Variants in MYO1D observed in about 807,000 individuals in gnomAD.
The protein encoded by MYO1D is unconventional myosin-Id.
MYO1D carries 83 observed loss-of-function variants against 122.0 expected under a neutral mutation model. The ratio of observed to expected loss-of-function variants is 0.68; its 90% CI spans 0.57 to 0.82. MYO1D has a LOEUF of 0.82. MYO1D is among the 40% of genes least tolerant of loss of function. The pLI, the probability that MYO1D is intolerant of heterozygous loss-of-function variation, is 0.00. For missense variants in MYO1D, 1,157 were observed against 1,269.5 expected (o/e 0.91, Z 1.35); for synonymous variants, 464 against 446.9 (o/e 1.04, Z -0.48).
At chr17:32,777,137 C>T (rs370412900) in intron 3 of MYO1D, among the ~76,000 whole-genome samples, 1 of 152,116 alleles carries the variant, frequency 6.6e-6, no homozygotes, top group East Asian at 1.9e-4. Context: ...AGTTGCTCTC[C>T]TGAGCTCCTA....
At chr17:32,820,835 TTAAG>T (rs1399707561) in intron 1 of MYO1D, among the ~76,000 whole-genome samples, 3 of 152,236 alleles carry the variant, frequency 2.0e-5, no homozygotes, top group East Asian at 1.9e-4. Context: ...ATTGTATACT[TTAAG>T]TATATATATT....
chr17:32,629,733 G>GA (rs35731553), intron 20 of MYO1D, among the ~76,000 whole-genome samples: 67,512 of 127,418 alleles, frequency 0.53, 16,365 homozygotes, highest in African/African-American at 0.61. Context: ...TTCATCTCAA[G>GA]AAAAAAAAAA....
rs138563144 is a variant in MYO1D at position 32,654,487 on chromosome 17, T to A, written c.2480A>T (p.Tyr827Phe). 6.2e-7 allele frequency: 1 copy of A among 1,612,430 alleles called. No individual in the cohort carries two copies. The highest frequency in any genetic ancestry group is 8.5e-7 in the Non-Finnish European group (1 of 1,179,376). The stretch of plus-strand genomic sequence containing the variant: ...TTCCCTTGGACTTACTGAAGCAAGA[T>A]AGTTGCCCTCCCAGGCCCTCTGGAG... The part of the protein sequence containing the change: ...LGLQRAWEGN[Y>F]LASKPDTPQT... The change falls in exon 18 of 22, where the codon TAT becomes TTT. Residue 827 changes from tyrosine to phenylalanine, a missense_variant. By Grantham distance (22) the Tyr-to-Phe change is conservative. Coordinates refer to ENST00000318217, the MANE Select transcript of MYO1D (RefSeq NM_015194.3).
intron 21 of MYO1D, among the ~76,000 whole-genome samples, chr17:32,592,910 C>A (rs78650234): frequency 6.6e-6 from 1 of 152,062 alleles, no homozygotes; most frequent in Non-Finnish European, 1.5e-5. Flanking sequence ...TGCCCAGTAC[C>A]GTATCACTTC....
intron 9 of MYO1D, 25 bp downstream of exon 9, chr17:32,760,457 G>A: frequency 6.2e-7 from 1 of 1,608,444 alleles, no homozygotes; most frequent in Non-Finnish European, 8.5e-7. Flanking sequence ...AGGCAACAAG[G>A]TTTTAAGTAT....
chr17:32,521,039 A>G (rs1457789542), intron 21 of MYO1D, among the ~76,000 whole-genome samples: 4 of 152,214 alleles, frequency 2.6e-5, no homozygotes, highest in Non-Finnish European at 5.9e-5. Context: ...CAATGTTTCC[A>G]TTGGCTTACC....
intron 12 of MYO1D, 177 bp from the exon 13 acceptor site, chr17:32,745,462 G>T: frequency 1.4e-5 from 7 of 514,734 alleles, no homozygotes; most frequent in Non-Finnish European, 2.1e-5. Context: ...TAAATAGAAG[G>T]GAATTTTCAT....
intron 1 of MYO1D, among the ~76,000 whole-genome samples, chr17:32,873,275 G>A (rs1003666502): frequency 1.3e-5 from 2 of 152,176 alleles, no homozygotes; most frequent in Admixed American, 1.3e-4. Context: ...TGAAGCACCT[G>A]CAGCCTTGAG....
intron 16 of MYO1D, among the ~76,000 whole-genome samples, chr17:32,674,113 G>C (rs554286383): frequency 9.2e-5 from 14 of 152,294 alleles, no homozygotes; most frequent in African/African-American, 3.1e-4. Context: ...ACTCCAAAGT[G>C]AGGCTGTTTC....
chr17:32,494,762 G>T lies in MYO1D; in HGVS notation c.3018C>A (p.Asn1006Lys), dbSNP rs1307354880. 1 of 1,601,156 alleles carries T rather than the reference G, an allele frequency of 6.2e-7. No homozygotes were observed. Among genetic ancestry groups the T allele is most frequent in the East Asian group, 2.3e-5 (1 of 44,022 alleles). The stretch of plus-strand genomic sequence containing the variant: ...CGGGCCAGGCCTCCGCGGGGCGTCA[G>T]TTCCCGGGCACGCTGAGGATGAAGC... ...RSGFILSVPGN is the reference protein window; with the variant it reads ...RSGFILSVPGK Residue 1006 changes from asparagine (N) to lysine (K), a missense_variant, in exon 22 of 22, where the codon AAC (asparagine) becomes AAA (lysine). By Grantham distance (94) the Asn-to-Lys change is moderately conservative (BLOSUM62 0). Transcript: ENST00000318217.
At chr17:32,577,018 G>A (rs1038501038) in intron 21 of MYO1D, among the ~76,000 whole-genome samples, 2 of 152,008 alleles carry the variant, frequency 1.3e-5, no homozygotes, top group African/African-American at 4.8e-5. Context: ...GGGAGGGCGA[G>A]GCAGGTGGAT....
At chr17:32,750,689 A>G (rs982626554) in intron 11 of MYO1D, among the ~76,000 whole-genome samples, 1 of 152,196 alleles carries the variant, frequency 6.6e-6, no homozygotes, top group Non-Finnish European at 1.5e-5. Context: ...AATGTTCGAT[A>G]ACAAATAATC....
At chr17:32,749,038 A>G (rs1256640904) in intron 11 of MYO1D, 32 bp from the exon 12 acceptor site, 11 of 1,576,606 alleles carry the variant, frequency 7.0e-6, no homozygotes, top group Non-Finnish European at 9.6e-6. Flanking sequence ...TATTTTGAAA[A>G]CAGACATTTT....
intron 20 of MYO1D, among the ~76,000 whole-genome samples, chr17:32,632,630 T>C (rs1054040148): frequency 8.0e-5 from 12 of 149,770 alleles, no homozygotes; most frequent in African/African-American, 1.5e-4. Flanking sequence ...CACACACATA[T>C]ATATATATAT....
intron 20 of MYO1D, among the ~76,000 whole-genome samples, chr17:32,611,030 C>T (rs952176252): frequency 7.9e-5 from 12 of 152,170 alleles, no homozygotes; most frequent in African/African-American, 2.9e-4. Context: ...CTGATTGCAA[C>T]CCATTTCAAT....
chr17:32,724,669 A>G (rs927823467), intron 14 of MYO1D, among the ~76,000 whole-genome samples: 6 of 152,120 alleles, frequency 3.9e-5, no homozygotes, highest in African/African-American at 4.8e-5. Flanking sequence ...AAGGCCTGAA[A>G]AGGAGGGGAC....
At position 32,641,205 on chromosome 17, in the gene MYO1D, G is replaced by C. The variant is rs554318355; in HGVS notation, c.2596-2370C>G. On this transcript the variant is annotated intron_variant, in intron 19 of 21. Coordinates refer to ENST00000318217, the MANE Select transcript of MYO1D (RefSeq NM_015194.3). ...GTGGTGTTTGCTTTTTTGTCCTTGC[G>C]ATAGTTTGCTGAGAATGATGGTTTC... is the stretch of plus-strand genomic sequence containing the variant. 2.0e-5 allele frequency among the ~76,000 whole-genome samples: 3 copies of C among 150,654 alleles called. 1 individual carries two copies. In the South Asian group the frequency reaches 6.3e-4, roughly 32 times the overall value.
At chr17:32,823,574 ATTTGGCGAAATACACCT>A (rs966320089) in intron 1 of MYO1D, among the ~76,000 whole-genome samples, 18 of 152,174 alleles carry the variant, frequency 1.2e-4, no homozygotes, top group Admixed American at 1.2e-3. Flanking sequence ...TATATCCCCA[ATTTGGCGAAATACACCT>A]AGGAAAACTG....
chr17:32,769,912 C>T (rs1039814878), intron 6 of MYO1D, among the ~76,000 whole-genome samples: 2 of 152,138 alleles, frequency 1.3e-5, no homozygotes, highest in Admixed American at 1.3e-4. Context: ...GGACTCTACA[C>T]GACTTGGTCA....
Sources: gnomAD v4.1 joint callset for allele counts (sites outside exome capture counted in the v4.1 genomes callset) on GRCh38, gnomAD v4.1.1 for gene constraint, MANE v1.5 for transcripts, NCBI Gene and HGNC (gene_info 2026-07-23, HGNC 2026-07-21) for gene names.